UGT2A3: variants seen among roughly 807,000 people sequenced by gnomAD.
The protein encoded by UGT2A3 is UDP-glucuronosyltransferase 2A3.
In UGT2A3, 55 loss-of-function variants were observed where a neutral mutation model predicts 44.1. That is an observed-to-expected ratio of 1.25 (90% CI 1.00 to 1.56). The LOEUF is 1.56. UGT2A3 is among the 40% of genes most tolerant of loss of function. The pLI is 0.00. For synonymous variants in UGT2A3, 243 were observed against 215.1 expected (o/e 1.13, Z -1.13); for missense variants, 733 against 621.6 (o/e 1.18, Z -1.91).
Position 68,932,631 on chromosome 4 carries a change from C to A in UGT2A3, c.993G>T (p.Gln331His). 1 of 1,606,254 alleles carries A rather than the reference C, an allele frequency of 6.2e-7. No individual in the cohort carries two copies. Among genetic ancestry groups the A allele is most frequent in the Non-Finnish European group, 8.5e-7 (1 of 1,176,878 alleles). Residue 331 changes from glutamine to histidine, a missense_variant, in exon 3 of 6, where the codon CAG (glutamine) becomes CAT (histidine). Coordinates refer to ENST00000251566, the MANE Select transcript of UGT2A3 (RefSeq NM_024743.4). ...IIASALAQIP[Q>H]KVLWRYKGKK... ...CAGGATTGGAGGTTTTACTGACCTT[C>A]TGTGGGATCTGGGCAAGGGCTGAAG... is the stretch of plus-strand genomic sequence containing the variant.
chr4:68,951,201 G>A lies in UGT2A3; in HGVS notation c.560C>T (p.Ala187Val), dbSNP rs776835231. Residue 187 changes from alanine (A) to valine (V), a missense_variant, in exon 1 of 6, where the codon GCT (alanine) becomes GTT (valine). Transcript: ENST00000251566. The stretch of plus-strand genomic sequence containing the variant: ...AGGCACAGGTACATAGGAAAGTGGA[G>A]CTGGAAGTTTCCCACAGCTTCGCTC... ...NMERSCGKLP[A>V]PLSYVPVPMT... 3 of 1,611,886 alleles carry A rather than the reference G, an allele frequency of 1.9e-6. No homozygotes were observed. The highest frequency in any genetic ancestry group is 2.5e-6 in the Non-Finnish European group (3 of 1,178,986).
At chr4:68,949,065 T>A (rs1718486857) in intron 1 of UGT2A3, among the ~76,000 whole-genome samples, 1 of 151,530 alleles carries the variant, frequency 6.6e-6, no homozygotes, top group Non-Finnish European at 1.5e-5. Flanking sequence ...CCTAATAGAG[T>A]GAGAACGAAC....
intron 3 of UGT2A3, among the ~76,000 whole-genome samples, chr4:68,931,514 A>G (rs1221046187): frequency 6.6e-6 from 1 of 151,066 alleles, no homozygotes; most frequent in Non-Finnish European, 1.5e-5. Context: ...TGAATATTTA[A>G]AAAAATAATT....
Position 68,929,740 on chromosome 4 carries a change from G to A in UGT2A3, c.*73C>T. On this transcript the variant is annotated 3_prime_UTR_variant, in exon 6 of 6. Transcript: ENST00000251566. ...AGAATAGATAATATGAAAATAGCAA[G>A]GTTTTCACCAAATTCTATGTGGCTG... The A allele has an allele frequency of 1.5e-6, 2 of 1,336,796 alleles. No homozygotes were observed. The highest frequency in any genetic ancestry group is 1.5e-5 in the South Asian group (1 of 66,992). The allele number at this position is 1,336,796 out of a possible 1,614,324, so 82.8% of individuals were successfully genotyped here. A position where few individuals can be genotyped will look rare whatever the true frequency, so the allele number is the denominator to read the frequency against.
intron 2 of UGT2A3, among the ~76,000 whole-genome samples, chr4:68,937,399 T>G (rs1467663213): frequency 3.3e-5 from 5 of 152,110 alleles, no homozygotes; most frequent in Non-Finnish European, 7.4e-5. Flanking sequence ...AACTCAGGAT[T>G]AAGAAACTCA....
intron 3 of UGT2A3, among the ~76,000 whole-genome samples, chr4:68,932,305 T>C (rs1422971327): frequency 6.6e-6 from 1 of 151,924 alleles, no homozygotes; most frequent in Non-Finnish European, 1.5e-5. Context: ...TTTTCCTTTT[T>C]CTGGTCCTTT....
intron 2 of UGT2A3, among the ~76,000 whole-genome samples, chr4:68,933,383 A>C (rs1037699728): frequency 6.6e-6 from 1 of 152,076 alleles, no homozygotes; most frequent in Non-Finnish European, 1.5e-5. Context: ...TTGCAACTGG[A>C]CATTCAATCT....
chr4:68,945,522 C>T, intron 1 of UGT2A3, 68 bp from the exon 2 acceptor site: 3 of 1,389,018 alleles, frequency 2.2e-6, no homozygotes, highest in East Asian at 2.4e-5. Context: ...ACTAATTTTT[C>T]AGTAAGCTAT....
In UGT2A3 at chr4:68,951,126, G is replaced by A. The variant is rs144099944; in HGVS notation, c.635C>T (p.Ser212Leu). 5.0e-6 allele frequency: 8 copies of A among 1,611,354 alleles called. No homozygotes were observed. In the African/African-American group the frequency reaches 5.4e-5, roughly 11 times the overall value. Residue 212 changes from serine (S) to leucine (L), a missense_variant, in exon 1 of 6, where the codon TCA (serine) becomes TTA (leucine). By Grantham distance (145) the Ser-to-Leu change is moderately radical (BLOSUM62 -2). Transcript: ENST00000251566. The part of the protein sequence containing the change: ...RMTFLERVKN[S>L]MLSVLFHFWI... The stretch of plus-strand genomic sequence containing the variant: ...GAAGTGGAACAAAACTGAAAGCATT[G>A]AATTTTTTACTCTTTCCAGAAAGGT...
At chr4:68,943,303 C>T (rs1047481058) in intron 2 of UGT2A3, 2 of 1,267,844 alleles carry the variant, frequency 1.6e-6, no homozygotes, top group Non-Finnish European at 2.0e-6. Flanking sequence ...TGGAAATTGT[C>T]AGCTCTCCTT....
intron 2 of UGT2A3, among the ~76,000 whole-genome samples, chr4:68,940,579 G>A (rs946378275): frequency 1.1e-4 from 16 of 151,738 alleles, no homozygotes; most frequent in Non-Finnish European, 2.4e-4. Flanking sequence ...GATAGCATTA[G>A]GAGAAATACC....
At position 68,945,297 on chromosome 4, in the gene UGT2A3, T is replaced by C; in HGVS notation, c.864+9A>G. ...AAGTACATAATATTCCTTAATACAA[T>C]AGTCCTACCTTAGGCAAAGCTTTGG... On this transcript the variant is annotated intron_variant, in intron 2 of 5. Transcript: ENST00000251566. 1.9e-6 allele frequency: 3 copies of C among 1,610,742 alleles called. No individual in the cohort carries two copies. Among genetic ancestry groups the C allele is most frequent in the Non-Finnish European group, 2.5e-6 (3 of 1,178,042 alleles).
intron 2 of UGT2A3, among the ~76,000 whole-genome samples, chr4:68,937,878 T>G (rs1718014580): frequency 6.6e-6 from 1 of 151,960 alleles, no homozygotes; most frequent in Non-Finnish European, 1.5e-5. Context: ...ATAAAGAGGA[T>G]ATCACCACTG....
chr4:68,951,187 C>A lies in UGT2A3; in HGVS notation c.574G>T (p.Val192Leu), dbSNP rs369087528. The change falls in exon 1 of 6, where the codon GTA becomes TTA. Residue 192 changes from valine (V) to leucine (L), a missense_variant. Val to Leu is a conservative substitution (Grantham distance 32). Transcript: ENST00000251566. ...CGKLPAPLSY[V>L]PVPMTGLTDR... ...GTTAGTCCTGTCATAGGCACAGGTA[C>A]ATAGGAAAGTGGAGCTGGAAGTTTC... is the stretch of plus-strand genomic sequence containing the variant. The A allele has an allele frequency of 1.1e-5, 18 of 1,611,940 alleles. No homozygotes were observed. The highest frequency in any genetic ancestry group is 1.4e-5 in the Non-Finnish European group (16 of 1,179,002).
At chr4:68,945,568 AT>A in intron 1 of UGT2A3, 114 bp from the exon 2 acceptor site, 1 of 700,416 alleles carries the variant, frequency 1.4e-6, no homozygotes. Context: ...CTAGAACAAC[AT>A]GGCTTTTAGA....
intron 1 of UGT2A3, among the ~76,000 whole-genome samples, chr4:68,948,948 G>T (rs1018406388): frequency 2.6e-5 from 4 of 151,968 alleles, no homozygotes; most frequent in African/African-American, 9.6e-5. Context: ...TCCACTCATT[G>T]AAGAAGATGT....
At chr4:68,939,576 C>T (rs1334091083) in intron 2 of UGT2A3, among the ~76,000 whole-genome samples, 1 of 152,100 alleles carries the variant, frequency 6.6e-6, no homozygotes, top group Non-Finnish European at 1.5e-5. Context: ...AAATGTTAGA[C>T]CTGAAACCAT....
At position 68,929,692 on chromosome 4, in the gene UGT2A3, C is replaced by A. The variant is rs1051628238; in HGVS notation, c.*121G>T. 7 of 918,664 alleles carry A rather than the reference C, an allele frequency of 7.6e-6. No homozygotes were observed. The highest frequency in any genetic ancestry group is 1.2e-5 in the Non-Finnish European group (7 of 606,622). The allele number at this position is 918,664 out of a possible 1,614,324, so 56.9% of individuals were successfully genotyped here. Reference sequence around the variant, plus strand: ...AACCTCATGATCGTGGAATTCTAGGCTATATAGCTAAGATAAAATAACAGA... The same window carrying A: ...AACCTCATGATCGTGGAATTCTAGGATATATAGCTAAGATAAAATAACAGA... On this transcript the variant is annotated 3_prime_UTR_variant, in exon 6 of 6. Coordinates refer to ENST00000251566, the MANE Select transcript of UGT2A3 (RefSeq NM_024743.4).
At chr4:68,932,182 T>C (rs1717762053) in intron 3 of UGT2A3, among the ~76,000 whole-genome samples, 1 of 151,916 alleles carries the variant, frequency 6.6e-6, no homozygotes, top group Non-Finnish European at 1.5e-5. Flanking sequence ...TTAGAAAGAC[T>C]ACATTAATCT....
Sources: gnomAD v4.1 joint callset for allele counts (sites outside exome capture counted in the v4.1 genomes callset) on GRCh38, gnomAD v4.1.1 for gene constraint, MANE v1.5 for transcripts, NCBI Gene and HGNC (gene_info 2026-07-23, HGNC 2026-07-21) for gene names.